PPA1: variants seen among roughly 807,000 people sequenced by gnomAD.
The protein encoded by PPA1 is inorganic pyrophosphatase 1.
A neutral mutation model predicts 41.8 loss-of-function variants in PPA1; 23 were observed. That is an observed-to-expected ratio of 0.55 (90% CI 0.40 to 0.78). The LOEUF (loss-of-function observed/expected upper bound fraction) is 0.78. PPA1 is among the 30% of genes least tolerant of loss of function. PPA1 has a pLI of 0.00. For missense variants in PPA1, 320 were observed against 361.6 expected (o/e 0.89, Z 0.93); for synonymous variants, 101 against 116.8 (o/e 0.86, Z 0.87).
At chr10:70,206,624 T>C (rs1839942149) in intron 8 of PPA1, among the ~76,000 whole-genome samples, 1 of 151,702 alleles carries the variant, frequency 6.6e-6, no homozygotes, top group Admixed American at 6.6e-5. Flanking sequence ...GGCAGGCGGA[T>C]CATGAGGTCA....
At chr10:70,233,206 A>C in intron 1 of PPA1, 58 bp downstream of exon 1, 2 of 1,497,802 alleles carry the variant, frequency 1.3e-6, no homozygotes, top group Non-Finnish European at 1.8e-6. Context: ...CGGGGAGGCA[A>C]GGCCCGGGAA....
At chr10:70,221,061 T>TATATATA (rs1352916148) in intron 2 of PPA1, among the ~76,000 whole-genome samples, 3 of 15,052 alleles carry the variant, frequency 2.0e-4, no homozygotes, top group African/African-American at 1.5e-3. Flanking sequence ...ATATAATTTA[T>TATATATA]ATATATATAT....
intron 2 of PPA1, among the ~76,000 whole-genome samples, chr10:70,223,567 T>G (rs1840198713): frequency 6.6e-6 from 1 of 152,116 alleles, no homozygotes; most frequent in Non-Finnish European, 1.5e-5. Context: ...CAGGAATTAC[T>G]ACTAAAGAAC....
chr10:70,214,602 A>G lies in PPA1; in HGVS notation c.298-16T>C. 6.3e-7 allele frequency: 1 copy of G among 1,588,166 alleles called. No individual in the cohort carries two copies. The highest frequency in any genetic ancestry group is 8.6e-7 in the Non-Finnish European group (1 of 1,157,166). On this transcript the variant is annotated splice_polypyrimidine_tract_variant and intron_variant, in intron 4 of 10. Coordinates refer to ENST00000373232, the MANE Select transcript of PPA1 (RefSeq NM_021129.4). ...CTTCCCAAGTCTAAAAATATAAGAC[A>G]GTGTATATCATTCCTATACATACTG...
At chr10:70,218,944 C>T (rs757569940) in intron 2 of PPA1, 127 bp from the exon 3 acceptor site, 17 of 653,406 alleles carry the variant, frequency 2.6e-5, no homozygotes, top group African/African-American at 1.3e-4. Flanking sequence ...GGATTTTCAA[C>T]AAAATGCATC....
chr10:70,222,900 T>C (rs1840191541), intron 2 of PPA1, among the ~76,000 whole-genome samples: 1 of 145,696 alleles, frequency 6.9e-6, no homozygotes, highest in Admixed American at 7.0e-5. Flanking sequence ...GTTCTCATTG[T>C]TCAATTCCCA....
At chr10:70,207,440 G>A (rs1839958544) in intron 8 of PPA1, among the ~76,000 whole-genome samples, 2 of 152,298 alleles carry the variant, frequency 1.3e-5, no homozygotes, top group South Asian at 4.1e-4. Context: ...GCTGAGGTGT[G>A]AGAGGATCAC....
intron 2 of PPA1, among the ~76,000 whole-genome samples, chr10:70,221,076 A>ATTTTTTTTTTTTTT (rs11310336): frequency 2.5e-5 from 1 of 40,050 alleles, no homozygotes; most frequent in East Asian, 7.2e-4. Context: ...ATATATATAT[A>ATTTTTTTTTTTTTT]TTTTTTTTTT....
At chr10:70,203,255 C>A in intron 10 of PPA1, 69 bp from the exon 11 acceptor site, 1 of 1,325,934 alleles carries the variant, frequency 7.5e-7, no homozygotes, top group South Asian at 1.2e-5. Context: ...TAACATATAA[C>A]AAAGACTAAT....
intron 2 of PPA1, among the ~76,000 whole-genome samples, chr10:70,223,874 C>G (rs12262852): frequency 6.6e-6 from 1 of 152,094 alleles, no homozygotes. Context: ...TATCTTGTTA[C>G]TCCCACTGTT....
At chr10:70,208,291 C>T (rs567842349) in intron 8 of PPA1, among the ~76,000 whole-genome samples, 18 of 152,042 alleles carry the variant, frequency 1.2e-4, no homozygotes, top group East Asian at 1.9e-4. Context: ...TCATAGAAAT[C>T]GTAAGATACG....
intron 6 of PPA1, chr10:70,210,015 C>A: frequency 3.1e-6 from 1 of 321,012 alleles, no homozygotes; most frequent in Non-Finnish European, 5.8e-6. Flanking sequence ...CATAATGAAA[C>A]AACCAGTTTG....
intron 3 of PPA1, 107 bp downstream of exon 3, chr10:70,218,657 G>T: frequency 1.2e-6 from 1 of 868,190 alleles, no homozygotes; most frequent in Non-Finnish European, 1.9e-6. Context: ...ACTGGGACCA[G>T]ACAGAGAAAA....
intron 4 of PPA1, among the ~76,000 whole-genome samples, chr10:70,215,055 C>T (rs560189778): frequency 2.0e-5 from 3 of 151,994 alleles, no homozygotes; most frequent in East Asian, 1.9e-4. Flanking sequence ...ATGAGCCAGG[C>T]GTGGTGGTGC....
intron 9 of PPA1, chr10:70,205,769 G>T: frequency 6.6e-6 from 1 of 151,970 alleles, no homozygotes; most frequent in Non-Finnish European, 1.5e-5. Context: ...CAATTTTTTG[G>T]TTAATCCAAA....
chr10:70,207,301 C>T (rs1839956831), intron 8 of PPA1, among the ~76,000 whole-genome samples: 1 of 152,022 alleles, frequency 6.6e-6, no homozygotes, highest in Non-Finnish European at 1.5e-5. Flanking sequence ...TCCTTCTTTG[C>T]AGGGATTTAA....
chr10:70,230,325 A>G lies in PPA1; in HGVS notation c.123+16T>C. ...TCTGAGTAAAGAGACTGTGTCCAAAAACAAGGATGCCTTACCTTATCTGCA... is the reference window on the plus strand; with the variant it reads ...TCTGAGTAAAGAGACTGTGTCCAAAGACAAGGATGCCTTACCTTATCTGCA... On this transcript the variant is annotated intron_variant, in intron 2 of 10. Coordinates refer to ENST00000373232, the MANE Select transcript of PPA1 (RefSeq NM_021129.4). 1 of 1,612,576 alleles carries G rather than the reference A, an allele frequency of 6.2e-7. No individual in the cohort carries two copies. Among genetic ancestry groups the G allele is most frequent in the Non-Finnish European group, 8.5e-7 (1 of 1,179,170 alleles).
At chr10:70,231,405 A>G (rs1840288583) in intron 1 of PPA1, among the ~76,000 whole-genome samples, 1 of 152,170 alleles carries the variant, frequency 6.6e-6, no homozygotes, top group Non-Finnish European at 1.5e-5. Context: ...CGTCTCTACT[A>G]AAAATACAAA....
At chr10:70,212,592 A>G (rs530411685) in intron 6 of PPA1, among the ~76,000 whole-genome samples, 1 of 152,342 alleles carries the variant, frequency 6.6e-6, no homozygotes, top group African/African-American at 2.4e-5. Flanking sequence ...AACAACAAAG[A>G]TCCATATATT....
Sources: allele counts gnomAD v4.1 joint callset (sites outside exome capture counted in the v4.1 genomes callset), GRCh38; gene constraint gnomAD v4.1.1; transcripts MANE v1.5; gene names NCBI Gene and HGNC (gene_info 2026-07-23, HGNC 2026-07-21).